The following CTNNA2 variants were observed in gnomAD, a reference collection of about 807,000 sequenced individuals.
CTNNA2 encodes catenin alpha 2.
CTNNA2 carries 42 observed loss-of-function variants against 101.0 expected under a neutral mutation model. The observed-to-expected ratio is 0.42, with a 90% CI of 0.32 to 0.54. The LOEUF (loss-of-function observed/expected upper bound fraction) is 0.54, where lower values mean the gene tolerates loss of function less well. Ranked by LOEUF, CTNNA2 falls within the 20% of genes least tolerant of loss-of-function variation. The pLI, the probability that CTNNA2 is intolerant of heterozygous loss-of-function variation, is 0.14. For synonymous variants in CTNNA2, 450 were observed against 456.4 expected (o/e 0.99, Z 0.18); for missense variants, 871 against 1,223.1 (o/e 0.71, Z 4.29).
chr2:79,444,619 T>C (rs9679490), intron 4 of CTNNA2, among the ~76,000 whole-genome samples: 1 of 152,100 alleles, frequency 6.6e-6, no homozygotes, highest in Non-Finnish European at 1.5e-5. Flanking sequence ...AACCCCCTGG[T>C]GGTTTATGAG....
chr2:79,984,729 C>T (rs1444041664), intron 7 of CTNNA2, among the ~76,000 whole-genome samples: 1 of 152,010 alleles, frequency 6.6e-6, no homozygotes, highest in Non-Finnish European at 1.5e-5. Flanking sequence ...AATGCCCAGC[C>T]CTGCCATTAT....
intron 2 of CTNNA2, among the ~76,000 whole-genome samples, chr2:79,308,300 C>T (rs747194364): frequency 2.0e-5 from 3 of 152,204 alleles, no homozygotes; most frequent in Admixed American, 1.3e-4. Flanking sequence ...CCCACCTCAG[C>T]CCCCCAAATT....
intron 7 of CTNNA2, chr2:80,328,461 T>C (rs1671024327): frequency 2.2e-6 from 1 of 454,946 alleles, no homozygotes; most frequent in Non-Finnish European, 4.6e-6. Context: ...TAGAGGGGAA[T>C]AGATTTGGAG....
intron 7 of CTNNA2, among the ~76,000 whole-genome samples, chr2:79,941,442 C>T (rs1229570330): frequency 5.3e-5 from 8 of 152,116 alleles, no homozygotes; most frequent in Admixed American, 3.3e-4. Flanking sequence ...GAGACCTTGT[C>T]ATGGGACACC....
Position 80,215,983 on chromosome 2 carries a change from C to T in CTNNA2, c.1057-177228C>T, listed in dbSNP as rs149367702. Among the ~76,000 whole-genome samples, 845 of 152,296 alleles carry T rather than the reference C, an allele frequency of 5.5e-3. 7 individuals carry two copies. Among genetic ancestry groups the T allele is most frequent in the African/African-American group, 0.019 (800 of 41,574 alleles). On this transcript the variant is annotated intron_variant, in intron 7 of 18. Transcript: ENST00000402739. ...ATGGCAGACACCCCTCCTCCAGCCT[C>T]GCTGCCATCTTGCAGTTCTATCTCA...
intron 1 of CTNNA2, among the ~76,000 whole-genome samples, chr2:79,619,850 C>T (rs1049584524): frequency 4.6e-5 from 7 of 152,102 alleles, no homozygotes; most frequent in Non-Finnish European, 8.8e-5. Context: ...TGCAGATATG[C>T]GGTCTTCTTA....
intron 7 of CTNNA2, among the ~76,000 whole-genome samples, chr2:79,991,346 A>G (rs934598801): frequency 3.9e-5 from 6 of 152,092 alleles, no homozygotes; most frequent in Non-Finnish European, 5.9e-5. Context: ...GTAGATTTCA[A>G]TACCACCTCC....
intron 3 of CTNNA2, among the ~76,000 whole-genome samples, chr2:79,834,377 A>G (rs1574087983): frequency 6.6e-6 from 1 of 152,132 alleles, no homozygotes; most frequent in Admixed American, 6.5e-5. Context: ...GTAACCATGT[A>G]CACTCCTCCC....
intron 3 of CTNNA2, among the ~76,000 whole-genome samples, chr2:79,344,457 C>T (rs1440224469): frequency 2.0e-5 from 3 of 151,994 alleles, no homozygotes; most frequent in African/African-American, 7.2e-5. Flanking sequence ...TTCCCCACCC[C>T]CTTTGGAAAA....
intron 4 of CTNNA2, among the ~76,000 whole-genome samples, chr2:79,391,032 G>A (rs1040323720): frequency 6.6e-6 from 1 of 152,156 alleles, no homozygotes; most frequent in African/African-American, 2.4e-5. Flanking sequence ...AAGTCAAGGA[G>A]TGAGGAGGTT....
intron 2 of CTNNA2, among the ~76,000 whole-genome samples, chr2:79,282,527 G>T (rs956124026): frequency 6.6e-6 from 1 of 151,072 alleles, no homozygotes; most frequent in Non-Finnish European, 1.5e-5. Context: ...TTGTTCTTGC[G>T]ATAGTTTACT....
At chr2:80,331,621 C>T (rs1238582779) in intron 7 of CTNNA2, among the ~76,000 whole-genome samples, 2 of 152,194 alleles carry the variant, frequency 1.3e-5, no homozygotes, top group African/African-American at 4.8e-5. Context: ...CCTCCCTTCA[C>T]TACTTCTGCT....
At chr2:79,547,658 A>G (rs1307110874) in intron 1 of CTNNA2, 1 of 152,204 alleles carries the variant, frequency 6.6e-6, no homozygotes, top group African/African-American at 2.4e-5. Flanking sequence ...CTCTTATGAA[A>G]GTTCTGTAAT....
At chr2:80,233,165 G>C (rs1709355279) in intron 7 of CTNNA2, among the ~76,000 whole-genome samples, 1 of 152,218 alleles carries the variant, frequency 6.6e-6, no homozygotes, top group South Asian at 2.1e-4. Context: ...GCATACCTAA[G>C]TAATAAAATA....
At chr2:79,234,366 A>G (rs1309787220) in intron 2 of CTNNA2, among the ~76,000 whole-genome samples, 1 of 152,118 alleles carries the variant, frequency 6.6e-6, no homozygotes, top group Non-Finnish European at 1.5e-5. Flanking sequence ...AGAGGCTCCC[A>G]CCATCCTCTG....
At chr2:80,108,736 G>T (rs994101459) in intron 7 of CTNNA2, among the ~76,000 whole-genome samples, 1 of 152,142 alleles carries the variant, frequency 6.6e-6, no homozygotes, top group Admixed American at 6.5e-5. Context: ...TCATCCGGTG[G>T]TTTATGGCAG....
At chr2:80,605,324 T>C (rs1051262533) in intron 16 of CTNNA2, 1 of 151,990 alleles carries the variant, frequency 6.6e-6, no homozygotes, top group Admixed American at 6.6e-5. Context: ...GCAATAGTGA[T>C]TTACAGTTTG....
intron 7 of CTNNA2, among the ~76,000 whole-genome samples, chr2:80,134,069 A>G (rs966795501): frequency 2.0e-5 from 3 of 152,158 alleles, no homozygotes; most frequent in African/African-American, 7.2e-5. Context: ...TATTGCTATT[A>G]TTATTTTACA....
At chr2:80,387,122 A>T (rs1302553780) in intron 7 of CTNNA2, among the ~76,000 whole-genome samples, 1 of 152,084 alleles carries the variant, frequency 6.6e-6, no homozygotes, top group African/African-American at 2.4e-5. Context: ...CCCCGTCTTT[A>T]TTAAAAATAC....
Sources: allele counts gnomAD v4.1 joint callset (sites outside exome capture counted in the v4.1 genomes callset), GRCh38; gene constraint gnomAD v4.1.1; transcripts MANE v1.5; gene names NCBI Gene and HGNC (gene_info 2026-07-23, HGNC 2026-07-21).